The following MYO18B variants were observed in gnomAD, a reference collection of about 807,000 sequenced individuals.
The protein encoded by MYO18B is myosin XVIIIB.
A neutral mutation model predicts 273.0 loss-of-function variants in MYO18B; 204 were observed. The ratio of observed to expected loss-of-function variants is 0.75; its 90% CI spans 0.67 to 0.84. MYO18B has a LOEUF of 0.84. Among genes scored for constraint, MYO18B ranks in the 40% least tolerant of loss-of-function variants. MYO18B has a pLI of 0.00. For synonymous variants in MYO18B, 1,330 were observed against 1,305.7 expected (o/e 1.02, Z -0.40); for missense variants, 3,212 against 3,287.6 (o/e 0.98, Z 0.56).
At position 25,846,122 on chromosome 22, in the gene MYO18B, C is replaced by G; in HGVS notation, c.3391C>G (p.Gln1131Glu). Reference sequence around the variant, plus strand: ...CAGAGAGGAGCTGCGGAGTCTATTCCAGGCCCGGGCCAAGCTGCCTCCTGT... The same window carrying G: ...CAGAGAGGAGCTGCGGAGTCTATTCGAGGCCCGGGCCAAGCTGCCTCCTGT... ...SKREELRSLF[Q>E]ARAKLPPVCR... The change falls in exon 19 of 44, where the codon CAG (glutamine) becomes GAG (glutamate). Residue 1131 changes from glutamine (Q) to glutamate (E), a missense_variant. Gln to Glu is a conservative substitution (Grantham distance 29, BLOSUM62 2). Transcript: ENST00000335473. 6.3e-7 allele frequency: 1 copy of G among 1,587,210 alleles called. No individual in the cohort carries two copies. The highest frequency in any genetic ancestry group is 8.6e-7 in the Non-Finnish European group (1 of 1,169,486).
At position 25,772,349 on chromosome 22, in the gene MYO18B, C is replaced by A. The variant is rs1361878327; in HGVS notation, c.1708C>A (p.Leu570Met). The change falls in exon 7 of 44, where the codon CTG (leucine) becomes ATG (methionine). Residue 570 changes from leucine to methionine, a missense_variant. Leu to Met is a conservative substitution (Grantham distance 15, BLOSUM62 2). Coordinates refer to ENST00000335473, the MANE Select transcript of MYO18B (RefSeq NM_032608.7). ...GGTTTCACAGGCCAACCCTCCTGAG[C>A]TGGACCAGGTCGAGGACCTGGCCTC... ...EHVHRANPPE[L>M]DQVEDLASLI... 1 of 1,613,760 alleles carries A rather than the reference C, an allele frequency of 6.2e-7. No individual in the cohort carries two copies. Among genetic ancestry groups the A allele is most frequent in the Admixed American group, 1.7e-5 (1 of 60,026 alleles).
Position 26,026,975 on chromosome 22 carries a change from T to A in MYO18B, c.7001T>A (p.Val2334Asp), listed in dbSNP as rs1321425064. 10 of 1,613,768 alleles carry A rather than the reference T, an allele frequency of 6.2e-6. No homozygotes were observed. The highest frequency in any genetic ancestry group is 7.6e-6 in the Non-Finnish European group (9 of 1,179,886). Reference sequence around the variant, plus strand: ...CTCAAATGCATCTCTTCAGACGGTGTTGGGGGCACAACCCTACTCCCCGAA... The same window carrying A: ...CTCAAATGCATCTCTTCAGACGGTGATGGGGGCACAACCCTACTCCCCGAA... Reference protein sequence around the residue: ...TSLKCISSDGVGGTTLLPEKS... With the variant: ...TSLKCISSDGDGGTTLLPEKS... Residue 2334 changes from valine (V) to aspartate (D), a missense_variant, in exon 43 of 44, where the codon GTT becomes GAT. Physicochemically the swap from Val to Asp is radical, Grantham distance 152 (BLOSUM62 -3). Coordinates refer to ENST00000335473, the MANE Select transcript of MYO18B (RefSeq NM_032608.7).
the MYO18B span, among the ~76,000 whole-genome samples, chr22:26,036,955 A>C: frequency 6.6e-6 from 1 of 152,224 alleles, no homozygotes; most frequent in East Asian, 1.9e-4. Flanking sequence ...GAGACTCAGG[A>C]CAGAAGCACA....
At chr22:25,917,566 G>GTGTGTA (rs1253675493) in intron 33 of MYO18B, among the ~76,000 whole-genome samples, 2 of 151,586 alleles carry the variant, frequency 1.3e-5, no homozygotes, top group East Asian at 3.9e-4. Flanking sequence ...GTGTGTGTGT[G>GTGTGTA]TGTGTGTGTG....
chr22:25,903,732 T>A lies in MYO18B; in HGVS notation c.5049T>A (p.Val1683=). The part of the protein sequence containing the change: ...LGSPSLGENC[V]AGLKERLWKL... ...CACCCTCTCTGGGGGAAAATTGCGT[T>A]GCTGGCTTGAAGGAGAGGCTCTGGA... The change falls in exon 31 of 44, where the codon GTT becomes GTA. Residue 1683 remains valine (V), a synonymous_variant. Coordinates refer to ENST00000335473, the MANE Select transcript of MYO18B (RefSeq NM_032608.7). The A allele has an allele frequency of 1.2e-6, 2 of 1,606,804 alleles. No homozygotes were observed. Among genetic ancestry groups the A allele is most frequent in the Non-Finnish European group, 1.7e-6 (2 of 1,176,548 alleles).
At chr22:25,959,671 C>G (rs1010808518) in intron 39 of MYO18B, among the ~76,000 whole-genome samples, 1 of 152,174 alleles carries the variant, frequency 6.6e-6, no homozygotes, top group Non-Finnish European at 1.5e-5. Context: ...CATCAACAAA[C>G]GTTTATTGAG....
intron 22 of MYO18B, among the ~76,000 whole-genome samples, chr22:25,873,974 A>G (rs2091120711): frequency 6.6e-6 from 1 of 152,202 alleles, no homozygotes; most frequent in Non-Finnish European, 1.5e-5. Flanking sequence ...ATTGTGTTAA[A>G]GTGCAGGTTC....
the MYO18B span, among the ~76,000 whole-genome samples, chr22:26,060,955 CAT>C: frequency 2.0e-5 from 3 of 152,030 alleles, no homozygotes; most frequent in Non-Finnish European, 2.9e-5. Flanking sequence ...GCACACACCA[CAT>C]ATGCACACAT....
At chr22:26,009,225 T>C (rs1189655213) in intron 42 of MYO18B, among the ~76,000 whole-genome samples, 1 of 152,210 alleles carries the variant, frequency 6.6e-6, no homozygotes, top group African/African-American at 2.4e-5. Flanking sequence ...CCATATTCCC[T>C]CTGGTCTCAG....
intron 5 of MYO18B, 112 bp downstream of exon 5, chr22:25,770,288 A>G: frequency 9.8e-7 from 1 of 1,022,434 alleles, no homozygotes; most frequent in Non-Finnish European, 1.5e-6. Flanking sequence ...AGGAGGGAAG[A>G]GGAGCAGTGG....
At chr22:26,043,327 C>T in the MYO18B span, among the ~76,000 whole-genome samples, 3 of 151,904 alleles carry the variant, frequency 2.0e-5, no homozygotes, top group Non-Finnish European at 4.4e-5. Context: ...TAGACTGTTT[C>T]CAGTTTGGGA....
chr22:26,005,281 T>C (rs1321468814), intron 42 of MYO18B, among the ~76,000 whole-genome samples: 1 of 152,238 alleles, frequency 6.6e-6, no homozygotes, highest in Non-Finnish European at 1.5e-5. Context: ...TTAATAAACA[T>C]ATTCACTTAA....
At chr22:25,891,101 G>A (rs1469959688) in intron 26 of MYO18B, among the ~76,000 whole-genome samples, 1 of 152,176 alleles carries the variant, frequency 6.6e-6, no homozygotes, top group East Asian at 1.9e-4. Context: ...AGAGGATTGT[G>A]CAGAAGGTGG....
In MYO18B at chr22:25,772,520, G is replaced by T; in HGVS notation, c.1869+10G>T. ...GCCTTCTGCAGGGAAGGTGAGGTGG[G>T]ACCATTGTGGGCAGGGCTGAGGGGC... On this transcript the variant is annotated intron_variant, in intron 7 of 43. Transcript: ENST00000335473. 1 of 1,612,266 alleles carries T rather than the reference G, an allele frequency of 6.2e-7. No homozygotes were observed. The highest frequency in any genetic ancestry group is 1.1e-5 in the South Asian group (1 of 90,926).
chr22:26,017,317 C>A (rs1019509299), intron 42 of MYO18B, among the ~76,000 whole-genome samples: 1 of 151,214 alleles, frequency 6.6e-6, no homozygotes, highest in Non-Finnish European at 1.5e-5. Flanking sequence ...TCCTCTACAT[C>A]TATGTTTAAA....
intron 3 of MYO18B, 135 bp from the exon 4 acceptor site, chr22:25,767,980 T>G: frequency 3.5e-6 from 3 of 847,480 alleles, no homozygotes; most frequent in Non-Finnish European, 3.7e-6. Flanking sequence ...GCCTGTTGGA[T>G]TTGGAGGTGC....
At chr22:25,765,392 C>T (rs2086468200) in intron 3 of MYO18B, among the ~76,000 whole-genome samples, 1 of 152,196 alleles carries the variant, frequency 6.6e-6, no homozygotes, top group South Asian at 2.1e-4. Flanking sequence ...TTGCAAGAAG[C>T]CATTAGAATC....
rs115157540 is a variant in MYO18B, at chr22:25,830,880, C to A, written c.2979+1912C>A. Reference sequence around the variant, plus strand: ...TTTTAGATCATTGTTACCAGACTCCCCAAAGGGGCCGTTTTGAACATTTAA... The same window carrying A: ...TTTTAGATCATTGTTACCAGACTCCACAAAGGGGCCGTTTTGAACATTTAA... On this transcript the variant is annotated intron_variant, in intron 15 of 43. Transcript: ENST00000335473. 5.6e-3 allele frequency among the ~76,000 whole-genome samples: 853 copies of A among 152,290 alleles called. 11 individuals carry two copies. The highest frequency in any genetic ancestry group is 0.02 in the African/African-American group (823 of 41,544).
At chr22:25,780,030 A>G (rs758091774) in intron 8 of MYO18B, 26 bp from the exon 9 acceptor site, 5 of 1,557,720 alleles carry the variant, frequency 3.2e-6, no homozygotes, top group Non-Finnish European at 4.3e-6. Context: ...CATCAGTGAC[A>G]TGTGGCCCCA....
Sources: gnomAD v4.1 joint callset for allele counts (sites outside exome capture counted in the v4.1 genomes callset) on GRCh38, gnomAD v4.1.1 for gene constraint, MANE v1.5 for transcripts, NCBI Gene and HGNC (gene_info 2026-07-23, HGNC 2026-07-21) for gene names.